EBF3: variants seen among roughly 807,000 people sequenced by gnomAD.
EBF3 encodes the protein EBF transcription factor 3.
A neutral mutation model predicts 77.1 loss-of-function variants in EBF3; 18 were observed. The ratio of observed to expected loss-of-function variants is 0.23; its 90% CI spans 0.16 to 0.35. EBF3 has a LOEUF of 0.35. EBF3 is among the 10% of genes least tolerant of loss of function. EBF3 has a pLI of 1.00. For synonymous variants in EBF3, 350 were observed against 343.5 expected, an observed-to-expected ratio of 1.02 and a Z score of -0.21; for missense variants, 558 against 860.0, an observed-to-expected ratio of 0.65 and a Z score of 4.39.
chr10:129,935,471 G>C lies in EBF3; in HGVS notation c.554+21787C>G, dbSNP rs749214699. On this transcript the variant is annotated intron_variant, in intron 6 of 16. Coordinates refer to ENST00000440978, the MANE Select transcript of EBF3 (RefSeq NM_001375380.1). This position sits in a 1 kb window ranked among gnomAD's most constrained non-coding sequence, Gnocchi z 4.2. Reference sequence around the variant, plus strand: ...CCAACGGGACCTCCTTGAGGACAGAGCAGCTGCCAATTCCTGTGTGACCCC... The same window carrying C: ...CCAACGGGACCTCCTTGAGGACAGACCAGCTGCCAATTCCTGTGTGACCCC... Among the ~76,000 whole-genome samples, 1 of 152,224 alleles carries C rather than the reference G, an allele frequency of 6.6e-6. No homozygotes were observed. Among genetic ancestry groups the C allele is most frequent in the Non-Finnish European group, 1.5e-5 (1 of 68,048 alleles).
At chr10:129,961,311 A>T (rs1241980226) in intron 4 of EBF3, among the ~76,000 whole-genome samples, 3 of 152,110 alleles carry the variant, frequency 2.0e-5, no homozygotes, top group Non-Finnish European at 2.9e-5. Context: ...CCCCCTCCCC[A>T]CCACAACACT....
chr10:129,839,315 A>G (rs1188448104), intron 15 of EBF3, 120 bp from the exon 16 acceptor site: 1 of 429,618 alleles, frequency 2.3e-6, no homozygotes, highest in Non-Finnish European at 4.4e-6. Flanking sequence ...AAGAGGCCAG[A>G]TGACGGCCAC....
rs763628771 is a variant in EBF3 at position 129,841,047 on chromosome 10, C to CCCCA, written c.1373-16_1373-15insTGGG. On this transcript the variant is annotated splice_polypyrimidine_tract_variant and intron_variant, in intron 13 of 16. Transcript: ENST00000440978. This position sits in a 1 kb window ranked among gnomAD's most constrained non-coding sequence, Gnocchi z 4.6. ...ACTGTAGCCGACTGTTGAAATCCCC[C>CCCCA]CCCCGGCCAAAAATAACATTATTAT... 103 of 1,604,198 alleles carry CCCCA rather than the reference C, an allele frequency of 6.4e-5. 1 individual carries two copies. Among genetic ancestry groups the CCCCA allele is most frequent in the South Asian group, 1.1e-4 (10 of 89,790 alleles).
chr10:129,923,294 G>C (rs1034600052), intron 6 of EBF3, among the ~76,000 whole-genome samples: 2 of 152,180 alleles, frequency 1.3e-5, no homozygotes, highest in Non-Finnish European at 2.9e-5. Context: ...TACTGTAAGC[G>C]GGGATGATGT....
intron 6 of EBF3, among the ~76,000 whole-genome samples, chr10:129,908,177 TG>T (rs1855276727): frequency 6.6e-6 from 1 of 152,160 alleles, no homozygotes; most frequent in African/African-American, 2.4e-5. Context: ...GGTGCAGAAG[TG>T]ATCATTCAAA....
At position 129,938,115 on chromosome 10, in the gene EBF3, T is replaced by C. The variant is rs1857483150; in HGVS notation, c.554+19143A>G. On this transcript the variant is annotated intron_variant, in intron 6 of 16. Coordinates refer to ENST00000440978, the MANE Select transcript of EBF3 (RefSeq NM_001375380.1). This position sits in a 1 kb window ranked among gnomAD's most constrained non-coding sequence, Gnocchi z 5.1. ...GACCACCATGTCCTTCAGCAGCACC[T>C]GGCAGGAGACTCTCTTCTGCTCCTG... is the stretch of plus-strand genomic sequence containing the variant. Among the ~76,000 whole-genome samples the C allele has an allele frequency of 6.6e-6, 1 of 152,198 alleles. No individual in the cohort carries two copies. The highest frequency in any genetic ancestry group is 2.1e-4 in the South Asian group (1 of 4,832).
At position 129,888,125 on chromosome 10, in the gene EBF3, C is replaced by T. The variant is rs926917556; in HGVS notation, c.555-10276G>A. Among the ~76,000 whole-genome samples, 4 of 152,198 alleles carry T rather than the reference C, an allele frequency of 2.6e-5. No homozygotes were observed. In the South Asian group the frequency reaches 8.3e-4, roughly 32 times the overall value. ...TTCGTTGTCCTCGATGGAACGTGGG[C>T]GTGCTCCAGGAAGGAGTTGCAGCGA... On this transcript the variant is annotated intron_variant, in intron 6 of 16. Transcript: ENST00000440978.
intron 6 of EBF3, among the ~76,000 whole-genome samples, chr10:129,878,235 G>T (rs1206057056): frequency 6.6e-6 from 1 of 151,994 alleles, no homozygotes; most frequent in Non-Finnish European, 1.5e-5. Context: ...TTTGAATTTT[G>T]GATAAACAAA....
chr10:129,867,311 A>T (rs1242214778), intron 9 of EBF3, 44 bp from the exon 10 acceptor site: 1 of 1,609,530 alleles, frequency 6.2e-7, no homozygotes, highest in Non-Finnish European at 8.5e-7. Context: ...GGCGCTGGCT[A>T]TGAGAGGCGG....
Position 129,947,685 on chromosome 10 carries a change from GAA to G in EBF3, c.554+9571_554+9572del, listed in dbSNP as rs199955197. Among the ~76,000 whole-genome samples the G allele has an allele frequency of 4.1e-5, 5 of 121,514 alleles. No individual in the cohort carries two copies. The highest frequency in any genetic ancestry group is 9.2e-5 in the African/African-American group (3 of 32,694). 79.7% of individuals were successfully genotyped at this position (121,514 alleles called of 152,430 possible). A position where few individuals can be genotyped will look rare whatever the true frequency, so the allele number is the denominator to read the frequency against. Reference sequence around the variant, plus strand: ...TCTTTGCAAAGGAACCAAATGCTTTGAAAAAAAAAAAAAAAGAAGGGCAGGAC... The same window carrying G: ...TCTTTGCAAAGGAACCAAATGCTTTGAAAAAAAAAAAAAGAAGGGCAGGAC... On this transcript the variant is annotated intron_variant, in intron 6 of 16. Transcript: ENST00000440978. This position sits in a 1 kb window ranked among gnomAD's most constrained non-coding sequence, Gnocchi z 4.5.
rs908429682 is a variant in EBF3, at chr10:129,906,271, G to T, written c.555-28422C>A. Reference sequence around the variant, plus strand: ...TTTGTGTTAAATTTATTACTGCCAAGAAGAGCTCTCTTTCAATAATATTAA... The same window carrying T: ...TTTGTGTTAAATTTATTACTGCCAATAAGAGCTCTCTTTCAATAATATTAA... On this transcript the variant is annotated intron_variant, in intron 6 of 16. Transcript: ENST00000440978. Among the ~76,000 whole-genome samples, 4 of 152,308 alleles carry T rather than the reference G, an allele frequency of 2.6e-5. No homozygotes were observed. The East Asian group carries it at 7.7e-4, about 29-fold the overall frequency.
At chr10:129,871,982 C>A (rs1852437893) in intron 8 of EBF3, among the ~76,000 whole-genome samples, 1 of 152,242 alleles carries the variant, frequency 6.6e-6, no homozygotes, top group Non-Finnish European at 1.5e-5. Flanking sequence ...AAGGTACCCA[C>A]TAGTGGCCTT....
rs1330402104 is a variant in EBF3 at position 129,870,938 on chromosome 10, G to C, written c.781+2514C>G. Reference sequence around the variant, plus strand: ...TTCACAATATTGAGGCACTCAAACAGGCCTAATCTTGCCTCATGAAGACTT... The same window carrying C: ...TTCACAATATTGAGGCACTCAAACACGCCTAATCTTGCCTCATGAAGACTT... On this transcript the variant is annotated intron_variant, in intron 8 of 16. Coordinates refer to ENST00000440978, the MANE Select transcript of EBF3 (RefSeq NM_001375380.1). The surrounding 1 kb of genome is among the most constrained non-coding windows in gnomAD (Gnocchi z 4.4). 6.6e-6 allele frequency among the ~76,000 whole-genome samples: 1 copy of C among 152,148 alleles called. No homozygotes were observed. Among genetic ancestry groups the C allele is most frequent in the Non-Finnish European group, 1.5e-5 (1 of 68,034 alleles).
intron 10 of EBF3, among the ~76,000 whole-genome samples, chr10:129,862,421 C>A (rs1283983936): frequency 6.6e-6 from 1 of 152,162 alleles, no homozygotes; most frequent in Admixed American, 6.5e-5. Context: ...TGGGTTCAGT[C>A]TGTCGCAGAC....
In EBF3 at chr10:129,963,753, C is replaced by T; in HGVS notation, c.16G>A (p.Glu6Lys). 15 of 1,526,270 alleles carry T rather than the reference C, an allele frequency of 9.8e-6. No individual in the cohort carries two copies. Among genetic ancestry groups the T allele is most frequent in the Non-Finnish European group, 1.3e-5 (15 of 1,128,636 alleles). 94.5% of individuals were successfully genotyped at this position (1,526,270 alleles called of 1,614,324 possible). ...GTCGTCCCCCCGCGCGGAATATTCT[C>T]CTGAATCCCAAACATGAAAACTGCT... Reference protein sequence around the residue: MFGIQENIPRGGTTMK... With the variant: MFGIQKNIPRGGTTMK... The change falls in exon 1 of 17, where the codon GAG becomes AAG. Residue 6 changes from glutamate to lysine, a missense_variant. Physicochemically the swap from Glu to Lys is moderately conservative, Grantham distance 56. Coordinates refer to ENST00000440978, the MANE Select transcript of EBF3 (RefSeq NM_001375380.1). The surrounding 1 kb of genome is among the most constrained non-coding windows in gnomAD (Gnocchi z 7.1).
At chr10:129,959,721 G>A (rs548709719) in intron 4 of EBF3, among the ~76,000 whole-genome samples, 1 of 151,938 alleles carries the variant, frequency 6.6e-6, no homozygotes, top group African/African-American at 2.4e-5. Flanking sequence ...GCACGCTGCG[G>A]GCGGCCTGGG....
chr10:129,867,812 A>G lies in EBF3; in HGVS notation c.882T>C (p.Val294=), dbSNP rs1473360557. 6.2e-7 allele frequency: 1 copy of G among 1,614,230 alleles called. No homozygotes were observed. Among genetic ancestry groups the G allele is most frequent in the South Asian group, 1.1e-5 (1 of 91,092 alleles). Residue 294 remains valine, a synonymous_variant, in exon 9 of 17, where the codon GTT becomes GTC. Coordinates refer to ENST00000440978, the MANE Select transcript of EBF3 (RefSeq NM_001375380.1). ...TCCACACCAACATAGTTCCGAATAC[A>G]ACTTGCAGCCCGTCAAAGAAGTTGT... ...IGDNFFDGLQ[V]VFGTMLVWSE...
At chr10:129,915,708 C>T (rs188161360) in intron 6 of EBF3, among the ~76,000 whole-genome samples, 441 of 152,288 alleles carry the variant, frequency 2.9e-3, no homozygotes, top group Non-Finnish European at 5.4e-3. Flanking sequence ...TATCCAAATA[C>T]GAACACATTC....
chr10:129,945,079 GGGA>G (rs1858079895), intron 6 of EBF3, among the ~76,000 whole-genome samples: 1 of 61,532 alleles, frequency 1.6e-5, no homozygotes, highest in African/African-American at 6.7e-5. Flanking sequence ...GGGAGGGGAG[GGGA>G]AGAGAGGAGA....
Sources: gnomAD v4.1 joint callset for allele counts (sites outside exome capture counted in the v4.1 genomes callset) on GRCh38, gnomAD v4.1.1 for gene constraint, Gnocchi (gnomAD v3.1) non-coding constraint, MANE v1.5 for transcripts, NCBI Gene and HGNC (gene_info 2026-07-23, HGNC 2026-07-21) for gene names.